Variants in SPMIP4 observed in about 807,000 individuals in gnomAD.
The protein encoded by SPMIP4 is sperm microtubule inner protein 4, also known as sperm-associated microtubule inner protein 4.
chr7:25,136,573 T>C, the SPMIP4 span: 11 of 1,614,106 alleles, frequency 6.8e-6, no homozygotes, highest in African/African-American at 1.3e-4. The surrounding 1 kb of genome is among the most constrained non-coding windows in gnomAD (Gnocchi z 5.7). Context: ...ATCCTGGTTT[T>C]TATGGGTCAC....
the SPMIP4 span, among the ~76,000 whole-genome samples, chr7:25,133,928 A>C: frequency 2.0e-5 from 3 of 152,184 alleles, no homozygotes; most frequent in Non-Finnish European, 4.4e-5. Flanking sequence ...TATAATACCG[A>C]ATCTCTGGAT....
the SPMIP4 span, among the ~76,000 whole-genome samples, chr7:25,165,605 C>T: frequency 6.6e-6 from 1 of 152,198 alleles, no homozygotes; most frequent in East Asian, 1.9e-4. Flanking sequence ...ACCTTGGCCT[C>T]CCAAGGTGCT....
the SPMIP4 span, among the ~76,000 whole-genome samples, chr7:25,170,531 T>A: frequency 2.0e-5 from 3 of 152,254 alleles, no homozygotes; most frequent in African/African-American, 7.2e-5. Context: ...TTTTTTAATT[T>A]TGACGAAGTT....
the SPMIP4 span, chr7:25,155,281 CT>C: frequency 7.7e-5 from 95 of 1,226,794 alleles, no homozygotes; most frequent in East Asian, 1.9e-3. Flanking sequence ...TATTGGGACC[CT>C]TTTTTAAATG....
the SPMIP4 span, chr7:25,135,026 T>TAA: frequency 5.5e-6 from 4 of 724,452 alleles, no homozygotes; most frequent in Non-Finnish European, 6.8e-6. Flanking sequence ...GTCATAAAAT[T>TAA]AAAATAAATA....
At chr7:25,166,056 A>C in the SPMIP4 span, among the ~76,000 whole-genome samples, 13 of 152,206 alleles carry the variant, frequency 8.5e-5, no homozygotes, top group African/African-American at 2.6e-4. Flanking sequence ...GGGGCATCCA[A>C]ACCACCAATA....
the SPMIP4 span, among the ~76,000 whole-genome samples, chr7:25,146,926 A>C: frequency 3.3e-5 from 5 of 152,246 alleles, no homozygotes; most frequent in Admixed American, 2.6e-4. Context: ...TAGACATTCA[A>C]GTTCTTGAGA....
At chr7:25,173,129 GA>G in the SPMIP4 span, among the ~76,000 whole-genome samples, 1 of 151,872 alleles carries the variant, frequency 6.6e-6, no homozygotes, top group East Asian at 1.9e-4. The surrounding 1 kb of genome is among the most constrained non-coding windows in gnomAD (Gnocchi z 4.4). Context: ...GAGACAGGAA[GA>G]GAGAGAGAGG....
the SPMIP4 span, among the ~76,000 whole-genome samples, chr7:25,154,046 G>C: frequency 6.6e-6 from 1 of 152,214 alleles, no homozygotes; most frequent in Admixed American, 6.5e-5. Context: ...GAGGAGTTCA[G>C]AAACTCTCCC....
At chr7:25,150,409 TA>T in the SPMIP4 span, among the ~76,000 whole-genome samples, 2 of 152,108 alleles carry the variant, frequency 1.3e-5, no homozygotes, top group Non-Finnish European at 2.9e-5. Flanking sequence ...CATTTAACTA[TA>T]AAAAAACAAA....
At chr7:25,167,605 T>C in the SPMIP4 span, among the ~76,000 whole-genome samples, 1 of 152,230 alleles carries the variant, frequency 6.6e-6, no homozygotes, top group Non-Finnish European at 1.5e-5. Context: ...TTCTCTCTCT[T>C]GCTGTGGCTT....
At chr7:25,130,510 C>T in the SPMIP4 span, among the ~76,000 whole-genome samples, 2 of 152,018 alleles carry the variant, frequency 1.3e-5, no homozygotes, top group African/African-American at 4.8e-5. Context: ...AACAGGGTTT[C>T]ACCATGTTAG....
chr7:25,129,121 A>G, the SPMIP4 span, among the ~76,000 whole-genome samples: 1 of 152,222 alleles, frequency 6.6e-6, no homozygotes, highest in Non-Finnish European at 1.5e-5. Flanking sequence ...TGATGCAAGC[A>G]TTCCCTTGGC....
the SPMIP4 span, chr7:25,135,811 C>T: frequency 7.4e-7 from 1 of 1,356,932 alleles, no homozygotes; most frequent in Non-Finnish European, 9.4e-7. Context: ...TTTCTGGGTT[C>T]CTCCAACCAG....
At chr7:25,167,488 C>A in the SPMIP4 span, among the ~76,000 whole-genome samples, 1 of 152,216 alleles carries the variant, frequency 6.6e-6, no homozygotes, top group African/African-American at 2.4e-5. Flanking sequence ...ATGTCTGAAT[C>A]TTTCTAATTG....
At chr7:25,130,790 T>TC in the SPMIP4 span, among the ~76,000 whole-genome samples, 2 of 152,370 alleles carry the variant, frequency 1.3e-5, no homozygotes, top group African/African-American at 4.8e-5. Flanking sequence ...TATAAATTCC[T>TC]CCCGTAGTTA....
the SPMIP4 span, among the ~76,000 whole-genome samples, chr7:25,155,494 G>C: frequency 6.6e-6 from 1 of 152,098 alleles, no homozygotes; most frequent in Non-Finnish European, 1.5e-5. Context: ...AAAATATAAA[G>C]CAAAAAATAA....
chr7:25,163,769 A>G, the SPMIP4 span, among the ~76,000 whole-genome samples: 1 of 152,176 alleles, frequency 6.6e-6, no homozygotes, highest in Non-Finnish European at 1.5e-5. The surrounding 1 kb of genome is among the most constrained non-coding windows in gnomAD (Gnocchi z 4.4). Context: ...TTCCATCATC[A>G]AAGAGATAAC....
chr7:25,147,336 G>A, the SPMIP4 span, among the ~76,000 whole-genome samples: 1 of 152,146 alleles, frequency 6.6e-6, no homozygotes, highest in Non-Finnish European at 1.5e-5. Context: ...ATTGGAAAAG[G>A]AAAAGGAATG....
Sources: allele counts gnomAD v4.1 joint callset (sites outside exome capture counted in the v4.1 genomes callset), GRCh38; gene constraint gnomAD v4.1.1; non-coding constraint Gnocchi (gnomAD v3.1); transcripts MANE v1.5; gene names NCBI Gene and HGNC (gene_info 2026-07-23, HGNC 2026-07-21).